CAPS2: variants seen among roughly 807,000 people sequenced by gnomAD.
CAPS2 encodes calcyphosin-2.
In CAPS2, 98 loss-of-function variants were observed where a neutral mutation model predicts 86.5. The ratio of observed to expected loss-of-function variants is 1.13; its 90% CI spans 0.96 to 1.34. CAPS2 has a LOEUF of 1.34. Ranked by LOEUF, CAPS2 falls within the 40% of genes most tolerant of loss-of-function variation. The probability of loss-of-function intolerance (pLI) is 0.00; values close to 1 mark genes in which losing one functional copy is unlikely to be tolerated. For synonymous variants in CAPS2, 210 were observed against 225.1 expected (o/e 0.93, Z 0.60); for missense variants, 729 against 686.8 (o/e 1.06, Z -0.69).
chr12:75,382,180 A>AATG (rs2045033914), intron 1 of CAPS2, among the ~76,000 whole-genome samples: 1 of 152,220 alleles, frequency 6.6e-6, no homozygotes, highest in Admixed American at 6.5e-5. Flanking sequence ...AAATAAAAAC[A>AATG]ATGTTTCTAA....
chr12:75,372,977 T>C (rs540372463), intron 1 of CAPS2, among the ~76,000 whole-genome samples: 74 of 152,344 alleles, frequency 4.9e-4, no homozygotes, highest in African/African-American at 1.6e-3. Context: ...CCAGAGTACA[T>C]GTCTATTCCA....
chr12:75,366,912 A>G (rs1419638656), intron 1 of CAPS2: 1 of 701,784 alleles, frequency 1.4e-6, no homozygotes, highest in African/African-American at 1.7e-5. Context: ...TGCATGTCAA[A>G]AGGGGTTAAC....
chr12:75,380,656 T>C (rs1267105595), intron 1 of CAPS2, among the ~76,000 whole-genome samples: 2 of 152,120 alleles, frequency 1.3e-5, no homozygotes, highest in Non-Finnish European at 2.9e-5. Context: ...AAAATAAGAG[T>C]ATTTAAATTT....
At chr12:75,291,082 C>T (rs1056114111) in intron 13 of CAPS2, among the ~76,000 whole-genome samples, 1 of 151,800 alleles carries the variant, frequency 6.6e-6, no homozygotes, top group African/African-American at 2.4e-5. Context: ...TTTAAGTATC[C>T]AAAACTGACA....
At chr12:75,318,941 T>C (rs896983831) in intron 5 of CAPS2, among the ~76,000 whole-genome samples, 12 of 152,168 alleles carry the variant, frequency 7.9e-5, no homozygotes, top group African/African-American at 2.9e-4. Context: ...ATAAATTATA[T>C]TGATCATTTC....
upstream of CAPS2, among the ~76,000 whole-genome samples, chr12:75,328,916 T>C (rs772772873): frequency 6.6e-6 from 1 of 152,208 alleles, no homozygotes; most frequent in Non-Finnish European, 1.5e-5. Context: ...CCGTCATACA[T>C]GGAACACTTT....
chr12:75,339,555 G>A (rs2041962794), intron 1 of CAPS2, among the ~76,000 whole-genome samples: 1 of 152,116 alleles, frequency 6.6e-6, no homozygotes, highest in Non-Finnish European at 1.5e-5. Context: ...TGTTCACTCT[G>A]ATGATACTTT....
In CAPS2 at chr12:75,299,817, T is replaced by A. The variant is rs2037507363; in HGVS notation, c.854+20A>T. ...TTTTTATAATCATAGGATTAAAAAT[T>A]TTAATAAAATCACAATTACCGTGAT... On this transcript the variant is annotated intron_variant, in intron 9 of 16. Transcript: ENST00000393284. The A allele has an allele frequency of 7.7e-7, 1 of 1,305,048 alleles. No homozygotes were observed. The highest frequency in any genetic ancestry group is 1.4e-5 in the South Asian group (1 of 72,920). 80.8% of individuals were successfully genotyped at this position (1,305,048 alleles called of 1,614,324 possible).
intron 1 of CAPS2, among the ~76,000 whole-genome samples, chr12:75,356,105 C>A: frequency 6.6e-6 from 1 of 151,944 alleles, no homozygotes; most frequent in South Asian, 2.1e-4. Flanking sequence ...CACAAACCTG[C>A]CCATGCTGCA....
upstream of CAPS2, chr12:75,334,819 CCA>C (rs765210727): frequency 5.6e-6 from 9 of 1,614,068 alleles, no homozygotes; most frequent in Non-Finnish European, 7.6e-6. Context: ...CATCACTGAC[CCA>C]CACTTTATAG....
intron 6 of CAPS2, 78 bp from the exon 7 acceptor site, chr12:75,312,993 A>G (rs1049948438): frequency 1.3e-6 from 1 of 743,234 alleles, no homozygotes; most frequent in South Asian, 1.7e-5. Context: ...GTTCTAAAAC[A>G]TAAATTAAAT....
intron 16 of CAPS2, among the ~76,000 whole-genome samples, chr12:75,281,323 T>C (rs2033905635): frequency 6.6e-6 from 1 of 151,948 alleles, no homozygotes; most frequent in African/African-American, 2.4e-5. Flanking sequence ...AGCACATTTA[T>C]TGCTTCATTA....
chr12:75,339,888 A>G lies in CAPS2; in HGVS notation c.-394-16666T>C, dbSNP rs185335729. Among the ~76,000 whole-genome samples, 1,208 of 152,096 alleles carry G rather than the reference A, an allele frequency of 7.9e-3. 17 individuals are homozygous for G. The highest frequency in any genetic ancestry group is 0.011 in the Non-Finnish European group (731 of 67,988). On this transcript the variant is annotated intron_variant, in intron 1 of 5. Coordinates refer to the CAPS2 transcript ENST00000551829. ...GCACCCATCGCCCAAGCAGTGCCCA[A>G]TGTGTAGTCTTTTATCCCTCACCCC...
At chr12:75,305,491 G>A (rs1199779142) in intron 7 of CAPS2, 3 of 588,306 alleles carry the variant, frequency 5.1e-6, no homozygotes, top group East Asian at 3.6e-5. Context: ...CTTTGCAGCC[G>A]AGGCCTCCAG....
intron 14 of CAPS2, 37 bp downstream of exon 14, chr12:75,289,584 A>G: frequency 6.4e-7 from 1 of 1,567,058 alleles, no homozygotes; most frequent in Non-Finnish European, 8.6e-7. Flanking sequence ...TAAGAATAAC[A>G]TATTATCTGC....
intron 1 of CAPS2, chr12:75,370,000 T>C (rs1172351123): frequency 1.8e-6 from 2 of 1,120,478 alleles, no homozygotes; most frequent in Middle Eastern, 2.0e-4. Flanking sequence ...TGTATCAAAA[T>C]ATTTTAGTAT....
chr12:75,276,628 T>C (rs2032983746), downstream of CAPS2: 1 of 862,870 alleles, frequency 1.2e-6, no homozygotes, highest in South Asian at 5.4e-5. Flanking sequence ...TCCTATATAA[T>C]ATACCTTGTC....
intron 1 of CAPS2, among the ~76,000 whole-genome samples, chr12:75,357,856 T>A (rs1209098184): frequency 1.3e-5 from 2 of 150,978 alleles, no homozygotes; most frequent in African/African-American, 4.9e-5. Context: ...ACAGTAATTA[T>A]GAGAAAATTT....
intron 7 of CAPS2, among the ~76,000 whole-genome samples, chr12:75,308,820 A>T (rs527308953): frequency 7.3e-4 from 111 of 151,056 alleles, no homozygotes; most frequent in African/African-American, 2.5e-3. Flanking sequence ...AAGTGAGATT[A>T]AAAAAAATGA....
Sources: allele counts gnomAD v4.1 joint callset (sites outside exome capture counted in the v4.1 genomes callset), GRCh38; gene constraint gnomAD v4.1.1; transcripts MANE v1.5; gene names NCBI Gene and HGNC (gene_info 2026-07-23, HGNC 2026-07-21).